The following MACROD2 variants were observed in gnomAD, a reference collection of about 807,000 sequenced individuals.
MACROD2 encodes the protein ADP-ribose glycohydrolase MACROD2.
A neutral mutation model predicts 70.4 loss-of-function variants in MACROD2; 36 were observed. The ratio of observed to expected loss-of-function variants is 0.51; its 90% CI spans 0.39 to 0.68. The LOEUF is 0.68. MACROD2 is among the 30% of genes least tolerant of loss of function. MACROD2 has a pLI of 0.00. For synonymous variants in MACROD2, 172 were observed against 178.8 expected, an observed-to-expected ratio of 0.96 and a Z score of 0.30; for missense variants, 496 against 538.4, an observed-to-expected ratio of 0.92 and a Z score of 0.78.
intron 8 of MACROD2, among the ~76,000 whole-genome samples, chr20:15,852,707 G>A (rs1037382197): frequency 6.6e-6 from 1 of 152,150 alleles, no homozygotes; most frequent in Non-Finnish European, 1.5e-5. Context: ...CCTGTTTCCC[G>A]TTTATCTCAT....
intron 3 of MACROD2, among the ~76,000 whole-genome samples, chr20:14,163,490 AT>A (rs2055221231): frequency 6.6e-6 from 1 of 152,010 alleles, no homozygotes; most frequent in Non-Finnish European, 1.5e-5. Context: ...GGATGTCTAA[AT>A]CTCTTGCTAG....
At chr20:14,404,988 T>C (rs2083677404) in intron 3 of MACROD2, among the ~76,000 whole-genome samples, 1 of 152,108 alleles carries the variant, frequency 6.6e-6, no homozygotes, top group Non-Finnish European at 1.5e-5. Context: ...CAGGCAATTA[T>C]CAACTGAAGA....
chr20:15,589,853 T>C (rs2048654211), intron 8 of MACROD2, among the ~76,000 whole-genome samples: 2 of 152,310 alleles, frequency 1.3e-5, no homozygotes, highest in South Asian at 2.1e-4. Context: ...TGATAACTCA[T>C]TTATTTGTAA....
chr20:14,926,993 T>C (rs919238751), intron 5 of MACROD2, among the ~76,000 whole-genome samples: 1 of 152,210 alleles, frequency 6.6e-6, no homozygotes, highest in Non-Finnish European at 1.5e-5. Context: ...ATCCACCTTA[T>C]TGTCAGTTCA....
At chr20:15,065,654 CAAAAA>C (rs554222351) in intron 5 of MACROD2, among the ~76,000 whole-genome samples, 8 of 95,012 alleles carry the variant, frequency 8.4e-5, no homozygotes, top group Admixed American at 4.4e-4. Context: ...ACTCCGTCTC[CAAAAA>C]AAAAAAAAAA....
At chr20:15,332,901 C>T (rs2078008166) in intron 6 of MACROD2, among the ~76,000 whole-genome samples, 1 of 151,084 alleles carries the variant, frequency 6.6e-6, no homozygotes, top group Non-Finnish European at 1.5e-5. Flanking sequence ...GCAGGAAACT[C>T]AGAAGTCTGC....
rs188844137 is a variant in MACROD2, at chr20:15,575,964, T to C, written c.645+76117T>C. ...CAATCATTTGCTCTATCTTTACTTTTAAAATAATAATTTTGTTCACTTATG... is the reference window on the plus strand; with the variant it reads ...CAATCATTTGCTCTATCTTTACTTTCAAAATAATAATTTTGTTCACTTATG... On this transcript the variant is annotated intron_variant, in intron 8 of 17. Transcript: ENST00000684519. 3.1e-3 allele frequency among the ~76,000 whole-genome samples: 471 copies of C among 152,326 alleles called. 1 individual carries two copies. Among genetic ancestry groups the C allele is most frequent in the African/African-American group, 0.011 (453 of 41,574 alleles).
chr20:15,124,796 A>G (rs1008419388), intron 5 of MACROD2, among the ~76,000 whole-genome samples: 1 of 151,830 alleles, frequency 6.6e-6, no homozygotes, highest in South Asian at 2.1e-4. Flanking sequence ...CTTTCTTTGT[A>G]TTGAAAAAGC....
intron 6 of MACROD2, among the ~76,000 whole-genome samples, chr20:15,254,086 A>G (rs570532016): frequency 1.3e-5 from 2 of 152,052 alleles, no homozygotes; most frequent in African/African-American, 2.4e-5. Flanking sequence ...AACTTAGGGG[A>G]CACTTACTTT....
chr20:15,791,531 G>C (rs2063624939), intron 8 of MACROD2, among the ~76,000 whole-genome samples: 1 of 151,798 alleles, frequency 6.6e-6, no homozygotes, highest in Non-Finnish European at 1.5e-5. Context: ...AGATGTGTAA[G>C]CATCATTTGG....
intron 8 of MACROD2, among the ~76,000 whole-genome samples, chr20:15,589,364 TTAA>T (rs1323497390): frequency 2.6e-5 from 4 of 152,210 alleles, no homozygotes; most frequent in African/African-American, 9.6e-5. Context: ...TAAAATTTTG[TTAA>T]TAATAAAAAC....
intron 3 of MACROD2, among the ~76,000 whole-genome samples, chr20:14,421,109 A>C (rs965407527): frequency 1.3e-5 from 2 of 152,216 alleles, no homozygotes; most frequent in African/African-American, 4.8e-5. Flanking sequence ...TGCTGAATTT[A>C]TATTGCTAGT....
At chr20:14,351,793 G>A (rs778947772) in intron 3 of MACROD2, among the ~76,000 whole-genome samples, 3 of 152,158 alleles carry the variant, frequency 2.0e-5, no homozygotes, top group Non-Finnish European at 4.4e-5. Flanking sequence ...AGTGGTGAGA[G>A]TGGGCATCCT....
chr20:14,079,710 GA>G (rs1257971152), intron 2 of MACROD2, among the ~76,000 whole-genome samples: 1 of 152,222 alleles, frequency 6.6e-6, no homozygotes, highest in African/African-American at 2.4e-5. Context: ...GCTTTGACTG[GA>G]ATGTCATATT....
At chr20:14,668,151 C>T (rs1204388617) in intron 4 of MACROD2, among the ~76,000 whole-genome samples, 1 of 150,700 alleles carries the variant, frequency 6.6e-6, no homozygotes, top group Non-Finnish European at 1.5e-5. Flanking sequence ...GAGACCCTGT[C>T]TCTTAAAAAA....
intron 8 of MACROD2, among the ~76,000 whole-genome samples, chr20:15,602,283 C>G (rs1416846915): frequency 6.6e-6 from 1 of 152,188 alleles, no homozygotes; most frequent in Non-Finnish European, 1.5e-5. Flanking sequence ...GAACAAAGGC[C>G]TGGCCCGCTA....
intron 8 of MACROD2, among the ~76,000 whole-genome samples, chr20:15,610,388 T>A (rs1412396995): frequency 1.3e-5 from 2 of 152,188 alleles, no homozygotes; most frequent in Non-Finnish European, 2.9e-5. Flanking sequence ...CATTCCTTGC[T>A]TCTCTTCTAG....
chr20:15,338,174 CACAAA>C (rs2078069428), intron 6 of MACROD2, among the ~76,000 whole-genome samples: 1 of 151,652 alleles, frequency 6.6e-6, no homozygotes, highest in African/African-American at 2.4e-5. Flanking sequence ...TAAACACAGA[CACAAA>C]CCCCAATTAG....
At chr20:14,171,178 T>C (rs2081217691) in intron 3 of MACROD2, among the ~76,000 whole-genome samples, 1 of 152,170 alleles carries the variant, frequency 6.6e-6, no homozygotes, top group South Asian at 2.1e-4. Context: ...ATTTCTGTGG[T>C]ATCAGTTGTA....
Sources: gnomAD v4.1 joint callset for allele counts (sites outside exome capture counted in the v4.1 genomes callset) on GRCh38, gnomAD v4.1.1 for gene constraint, MANE v1.5 for transcripts, NCBI Gene and HGNC (gene_info 2026-07-23, HGNC 2026-07-21) for gene names.